The following KCNN2 variants were observed in gnomAD, a reference collection of about 807,000 sequenced individuals.
The protein encoded by KCNN2 is small conductance calcium-activated potassium channel protein 2.
Under a neutral mutation model 55.5 loss-of-function variants are expected in KCNN2, and 24 were observed. The observed-to-expected ratio is 0.43, with a 90% CI of 0.31 to 0.61. The LOEUF is 0.61. Ranked by LOEUF, KCNN2 falls within the 20% of genes least tolerant of loss-of-function variation. The pLI, the probability that KCNN2 is intolerant of heterozygous loss-of-function variation, is 0.08. For synonymous variants in KCNN2, 431 were observed against 336.1 expected, an observed-to-expected ratio of 1.28 and a Z score of -3.09; for missense variants, 754 against 853.6, an observed-to-expected ratio of 0.88 and a Z score of 1.45.
In KCNN2 at chr5:114,496,125, G is replaced by A. The variant is rs145963927; in HGVS notation, c.2319G>A (p.Ser773=). The A allele has an allele frequency of 4.1e-5, 66 of 1,613,952 alleles. No homozygotes were observed. In the Admixed American group the frequency reaches 5.7e-4, roughly 14 times the overall value. ...ACAATGCTGAGCGGTCCCGGTCCTC[G>A]TCCAGGAGGCGGCGGTCCTCTTCCA... ...VTYNAERSRS[S]SRRRRSSSTA... is the part of the protein sequence containing the mutation. Residue 773 remains serine, a synonymous_variant, in exon 8 of 8, where the codon TCG becomes TCA. Coordinates refer to ENST00000673685, the MANE Select transcript of KCNN2 (RefSeq NM_021614.4).
intron 1 of KCNN2, among the ~76,000 whole-genome samples, chr5:114,211,811 T>TA (rs1392609102): frequency 6.6e-5 from 10 of 152,048 alleles, no homozygotes; most frequent in Admixed American, 1.3e-4. Context: ...TTTCTATCCT[T>TA]ACTACTTGTA....
chr5:114,210,335 G>A (rs997141597), intron 1 of KCNN2, among the ~76,000 whole-genome samples: 6 of 152,074 alleles, frequency 3.9e-5, no homozygotes, highest in Admixed American at 1.3e-4. Context: ...CATAATACAT[G>A]GTATGTATTG....
chr5:114,229,584 T>G (rs1284727030), intron 2 of KCNN2, among the ~76,000 whole-genome samples: 1 of 147,788 alleles, frequency 6.8e-6, no homozygotes, highest in Non-Finnish European at 1.5e-5. Context: ...TGTATTTGCT[T>G]TGTTTAAAAA....
chr5:114,348,042 T>C (rs1757143306), intron 2 of KCNN2, among the ~76,000 whole-genome samples: 1 of 152,102 alleles, frequency 6.6e-6, no homozygotes, highest in Non-Finnish European at 1.5e-5. Context: ...GACCACTGAG[T>C]CCTTTAAGAT....
intron 3 of KCNN2, among the ~76,000 whole-genome samples, chr5:114,410,960 G>A (rs1028470782): frequency 6.6e-6 from 1 of 152,142 alleles, no homozygotes; most frequent in African/African-American, 2.4e-5. Flanking sequence ...AACTGGAGAA[G>A]CATAATGCAA....
intron 1 of KCNN2, among the ~76,000 whole-genome samples, chr5:114,063,813 A>T (rs1750382427): frequency 6.6e-6 from 1 of 152,220 alleles, no homozygotes; most frequent in Non-Finnish European, 1.5e-5. Context: ...TAAAAGGCAT[A>T]CTAAGCTAGT....
intron 1 of KCNN2, among the ~76,000 whole-genome samples, chr5:114,201,724 A>G (rs1166978433): frequency 1.3e-5 from 2 of 152,060 alleles, no homozygotes; most frequent in African/African-American, 2.4e-5. Context: ...GGCAAGCAGC[A>G]TGGCCAAGAA....
chr5:114,251,574 G>A (rs569377147), intron 2 of KCNN2, among the ~76,000 whole-genome samples: 7 of 152,190 alleles, frequency 4.6e-5, no homozygotes, highest in African/African-American at 1.7e-4. Flanking sequence ...CTGTTCAATA[G>A]AATAAAGGAC....
intron 2 of KCNN2, among the ~76,000 whole-genome samples, chr5:114,222,451 T>G (rs1754160811): frequency 6.6e-6 from 1 of 152,194 alleles, no homozygotes; most frequent in Admixed American, 6.5e-5. Context: ...CCCAAAATAC[T>G]TTAGGGCTAT....
intron 7 of KCNN2, 69 bp downstream of exon 7, chr5:114,493,541 T>C (rs1747966233): frequency 9.2e-7 from 1 of 1,082,046 alleles, no homozygotes; most frequent in African/African-American, 1.5e-5. Context: ...TCACTAATCA[T>C]GAATGTTTCA....
At chr5:114,312,436 TATATA>T (rs1408636289) in intron 2 of KCNN2, among the ~76,000 whole-genome samples, 1 of 19,840 alleles carries the variant, frequency 5.0e-5, no homozygotes, top group East Asian at 8.7e-4. Context: ...CACACACACA[TATATA>T]TATATATATA....
chr5:114,245,778 A>G (rs538166467), intron 2 of KCNN2, among the ~76,000 whole-genome samples: 1 of 152,308 alleles, frequency 6.6e-6, no homozygotes, highest in African/African-American at 2.4e-5. Context: ...GGAAGGCTGA[A>G]AAATTTACCC....
At chr5:114,249,770 C>T (rs1332035338) in intron 2 of KCNN2, among the ~76,000 whole-genome samples, 4 of 146,378 alleles carry the variant, frequency 2.7e-5, no homozygotes, top group Non-Finnish European at 1.5e-5. Context: ...AAAGAATGGG[C>T]AGCATTTTAT....
intron 5 of KCNN2, among the ~76,000 whole-genome samples, chr5:114,478,826 T>A (rs900426206): frequency 6.6e-6 from 1 of 152,000 alleles, no homozygotes; most frequent in African/African-American, 2.4e-5. Flanking sequence ...GAATATAAGA[T>A]CCTTTCCAGA....
chr5:114,147,993 C>T (rs1311474855), intron 1 of KCNN2, among the ~76,000 whole-genome samples: 4 of 152,004 alleles, frequency 2.6e-5, no homozygotes, highest in African/African-American at 7.3e-5. Flanking sequence ...ATCCACATAA[C>T]GAAGAATGTA....
Position 114,362,907 on chromosome 5 carries a change from C to G in KCNN2, c.768C>G (p.Gly256=). 2 of 1,590,778 alleles carry G rather than the reference C, an allele frequency of 1.3e-6. No homozygotes were observed. The highest frequency in any genetic ancestry group is 1.7e-6 in the Non-Finnish European group (2 of 1,176,410). The change falls in exon 1 of 8, where the codon GGC becomes GGG. Residue 256 remains glycine (G), a synonymous_variant. Coordinates refer to ENST00000673685, the MANE Select transcript of KCNN2 (RefSeq NM_021614.4). ...CCCCCGCGTCTGTCGGAGGAGGTGG[C>G]GGCGCGTCCTCCCCGTCTGCAGCCG... ...LQPPASVGGG[G]GASSPSAAAA... is the part of the protein sequence containing the mutation.
At chr5:114,323,212 GAAACTGCAAAGCACAGTGGTT>G (rs2150030254) in intron 2 of KCNN2, among the ~76,000 whole-genome samples, 1 of 152,260 alleles carries the variant, frequency 6.6e-6, no homozygotes, top group African/African-American at 2.4e-5. Context: ...TCCTCAGTAG[GAAACTGCAAAGCACAGTGGTT>G]AAGAGCATCG....
chr5:114,077,025 C>T (rs1183124890), intron 1 of KCNN2, among the ~76,000 whole-genome samples: 1 of 152,012 alleles, frequency 6.6e-6, no homozygotes, highest in Non-Finnish European at 1.5e-5. Context: ...AAATGAAAAG[C>T]CTAAGGTATG....
intron 2 of KCNN2, among the ~76,000 whole-genome samples, chr5:114,275,092 T>C (rs1008996359): frequency 3.9e-5 from 6 of 152,098 alleles, no homozygotes; most frequent in Non-Finnish European, 5.9e-5. Flanking sequence ...TTGAGATAAT[T>C]ATGTGGTTTT....
Sources: allele counts gnomAD v4.1 joint callset (sites outside exome capture counted in the v4.1 genomes callset), GRCh38; gene constraint gnomAD v4.1.1; transcripts MANE v1.5; gene names NCBI Gene and HGNC (gene_info 2026-07-23, HGNC 2026-07-21).